The following TLCD4 variants were observed in gnomAD, a reference collection of about 807,000 sequenced individuals.
The protein encoded by TLCD4 is TLC domain-containing protein 4.
Under a neutral mutation model 24.2 loss-of-function variants are expected in TLCD4, and 7 were observed. The ratio of observed to expected loss-of-function variants is 0.29; its 90% CI spans 0.16 to 0.54. The LOEUF (loss-of-function observed/expected upper bound fraction) is 0.54, where lower values mean the gene tolerates loss of function less well. Ranked by LOEUF, TLCD4 falls within the 20% of genes least tolerant of loss-of-function variation. TLCD4 has a pLI of 0.95. For missense variants in TLCD4, 259 were observed against 313.9 expected (o/e 0.82, Z 1.32); for synonymous variants, 103 against 106.4 (o/e 0.97, Z 0.20).
At chr1:95,101,410 A>AGTGTGTGTGTGT in the TLCD4 span, among the ~76,000 whole-genome samples, 245 of 142,746 alleles carry the variant, frequency 1.7e-3, no homozygotes, top group Non-Finnish European at 2.7e-3. Flanking sequence ...GACTAATTAA[A>AGTGTGTGTGTGT]GTGTGTGTGT....
chr1:95,113,537 G>C (rs1389547378), upstream of TLCD4, among the ~76,000 whole-genome samples: 2 of 152,188 alleles, frequency 1.3e-5, no homozygotes, highest in African/African-American at 4.8e-5. Flanking sequence ...AACATGGTAG[G>C]GTTGTGTGGA....
intron 6 of TLCD4, among the ~76,000 whole-genome samples, chr1:95,175,237 TTC>T (rs1030298067): frequency 2.0e-5 from 3 of 152,212 alleles, no homozygotes; most frequent in Non-Finnish European, 4.4e-5. Context: ...CCTTTCTACT[TTC>T]TGTTTCTATG....
the TLCD4 span, among the ~76,000 whole-genome samples, chr1:95,111,148 A>G: frequency 6.9e-6 from 1 of 145,724 alleles, no homozygotes; most frequent in East Asian, 2.0e-4. Flanking sequence ...AAAAAAAAAG[A>G]TTATCTGGGT....
intron 5 of TLCD4, among the ~76,000 whole-genome samples, chr1:95,156,063 C>A (rs777291262): frequency 6.6e-6 from 1 of 151,788 alleles, no homozygotes; most frequent in African/African-American, 2.4e-5. Context: ...AAATACTGGG[C>A]TTAGTAAGTA....
At chr1:95,158,441 C>T (rs190993785) in intron 5 of TLCD4, among the ~76,000 whole-genome samples, 1 of 152,158 alleles carries the variant, frequency 6.6e-6, no homozygotes, top group African/African-American at 2.4e-5. Context: ...CCTCAGCCTC[C>T]CAAAGTGCTA....
At chr1:95,123,487 A>C (rs1044558208) in intron 1 of TLCD4, among the ~76,000 whole-genome samples, 1 of 152,234 alleles carries the variant, frequency 6.6e-6, no homozygotes, top group African/African-American at 2.4e-5. Context: ...CTAAATGTTT[A>C]GTGTTTTTTT....
At chr1:95,133,894 C>T (rs1039639857) in intron 1 of TLCD4, among the ~76,000 whole-genome samples, 4 of 151,572 alleles carry the variant, frequency 2.6e-5, no homozygotes, top group African/African-American at 9.7e-5. Context: ...CAACTCTTGG[C>T]AATGGAAAGG....
At chr1:95,156,375 G>A (rs1174260088) in intron 5 of TLCD4, among the ~76,000 whole-genome samples, 4 of 149,928 alleles carry the variant, frequency 2.7e-5, no homozygotes, top group Non-Finnish European at 6.0e-5. Context: ...TATGGGATTT[G>A]TGTAGACATG....
At chr1:95,156,318 A>T (rs1213982030) in intron 5 of TLCD4, among the ~76,000 whole-genome samples, 1 of 152,146 alleles carries the variant, frequency 6.6e-6, no homozygotes, top group African/African-American at 2.4e-5. Context: ...GTCACTGAGG[A>T]GATGTCAGAT....
At chr1:95,122,592 A>G (rs1387604094) in intron 1 of TLCD4, among the ~76,000 whole-genome samples, 2 of 152,002 alleles carry the variant, frequency 1.3e-5, no homozygotes, top group East Asian at 1.9e-4. Context: ...TTTCTCTGTT[A>G]TCTCTGACAA....
At chr1:95,111,250 T>C in the TLCD4 span, among the ~76,000 whole-genome samples, 5 of 150,596 alleles carry the variant, frequency 3.3e-5, no homozygotes, top group South Asian at 2.1e-4. Flanking sequence ...GCTATGCTCA[T>C]ACCACTGCAC....
intron 1 of TLCD4, among the ~76,000 whole-genome samples, chr1:95,141,293 G>C (rs1677190499): frequency 6.6e-6 from 1 of 152,094 alleles, no homozygotes. Context: ...GTAGTTAAAT[G>C]AACAATTCAT....
the TLCD4 span, among the ~76,000 whole-genome samples, chr1:95,097,086 GT>G: frequency 1.3e-4 from 20 of 151,538 alleles, no homozygotes; most frequent in Middle Eastern, 0.014. Context: ...CCTTAAAAAT[GT>G]TTTTTTTCTT....
chr1:95,185,082 G>T (rs979883441), intron 6 of TLCD4, among the ~76,000 whole-genome samples: 10 of 150,808 alleles, frequency 6.6e-5, no homozygotes, highest in Non-Finnish European at 1.3e-4. Context: ...GTGCACATAT[G>T]TAACTGACTA....
chr1:95,134,865 T>C (rs1454578240), intron 1 of TLCD4, among the ~76,000 whole-genome samples: 5 of 152,216 alleles, frequency 3.3e-5, no homozygotes, highest in Admixed American at 6.5e-5. Flanking sequence ...TGCTGAGTAC[T>C]GTTCTAAGTG....
At chr1:95,116,694 A>G (rs1216963523), upstream of TLCD4, among the ~76,000 whole-genome samples, 5 of 152,192 alleles carry the variant, frequency 3.3e-5, no homozygotes, top group Admixed American at 3.3e-4. Context: ...GTCAAACTTT[A>G]TCTACTAGGC....
intron 6 of TLCD4, among the ~76,000 whole-genome samples, chr1:95,181,856 T>G (rs768261889): frequency 2.0e-5 from 3 of 152,124 alleles, no homozygotes; most frequent in Non-Finnish European, 4.4e-5. Context: ...CCTGACCTCG[T>G]GATCCACCCG....
At chr1:95,141,833 A>ACACACACACACACACACACAC (rs1557682576) in intron 1 of TLCD4, among the ~76,000 whole-genome samples, 3 of 149,778 alleles carry the variant, frequency 2.0e-5, no homozygotes, top group South Asian at 2.1e-4. Flanking sequence ...ACACACACAC[A>ACACACACACACACACACACAC]AAGAATGAGG....
intron 1 of TLCD4, among the ~76,000 whole-genome samples, chr1:95,131,215 A>G (rs1676881936): frequency 6.6e-6 from 1 of 152,152 alleles, no homozygotes; most frequent in African/African-American, 2.4e-5. Flanking sequence ...TGTAAAGGAG[A>G]GGGACATGCA....
Sources: allele counts gnomAD v4.1 joint callset (sites outside exome capture counted in the v4.1 genomes callset), GRCh38; gene constraint gnomAD v4.1.1; transcripts MANE v1.5; gene names NCBI Gene and HGNC (gene_info 2026-07-23, HGNC 2026-07-21).